The following CFAP92 variants were observed in gnomAD, a reference collection of about 807,000 sequenced individuals.
The protein encoded by CFAP92 is uncharacterized protein CFAP92.
CFAP92 carries 86 observed loss-of-function variants against 106.3 expected under a neutral mutation model. The ratio of observed to expected loss-of-function variants is 0.81; its 90% CI spans 0.68 to 0.97. The LOEUF is 0.97. CFAP92 is among the 50% of genes least tolerant of loss of function. CFAP92 has a pLI of 0.00. For missense variants in CFAP92, 1,204 were observed against 1,283.8 expected, an observed-to-expected ratio of 0.94 and a Z score of 0.95; for synonymous variants, 477 against 506.4, an observed-to-expected ratio of 0.94 and a Z score of 0.78.
chr3:128,910,838 G>A (rs1936213433), intron 15 of CFAP92: 1 of 1,613,242 alleles, frequency 6.2e-7, no homozygotes, highest in African/African-American at 1.3e-5. Context: ...TTGGGGGAGG[G>A]AAGGAAGGGC....
the CFAP92 span, among the ~76,000 whole-genome samples, chr3:129,011,150 T>G: frequency 4.9e-3 from 751 of 152,216 alleles, 7 homozygotes; most frequent in African/African-American, 0.017. Flanking sequence ...ATCTGTAAAA[T>G]GAGATGAGAA....
rs138871762 is a variant in CFAP92, at chr3:128,910,132, C to A, written c.*167G>T. ...CAGCCGCTCCATCCGCATTGGGCTC[C>A]GCAACCACGACCACGAGGTGAGCCC... is the stretch of plus-strand genomic sequence containing the variant. On this transcript the variant is annotated 3_prime_UTR_variant, in exon 16 of 16. Coordinates refer to ENST00000645291, the MANE Select transcript of CFAP92 (RefSeq NM_001394090.1). 430 of 1,614,056 alleles carry A rather than the reference C, an allele frequency of 2.7e-4. 2 individuals carry two copies. In the East Asian group the frequency reaches 8.7e-3, roughly 33 times the overall value.
At chr3:128,971,632 T>C (rs994255732) in intron 7 of CFAP92, among the ~76,000 whole-genome samples, 199 bp from the exon 8 acceptor site, 1 of 152,140 alleles carries the variant, frequency 6.6e-6, no homozygotes, top group African/African-American at 2.4e-5. Context: ...GCCAGTTATA[T>C]GTAGTAATAG....
At chr3:129,002,571 T>G in intron 1 of CFAP92, 2 of 655,868 alleles carry the variant, frequency 3.0e-6, no homozygotes, top group Non-Finnish European at 4.6e-6. Flanking sequence ...CAAACAACCA[T>G]ACCCCACTTT....
At chr3:129,018,806 G>A in the CFAP92 span, among the ~76,000 whole-genome samples, 1 of 152,174 alleles carries the variant, frequency 6.6e-6, no homozygotes, top group Non-Finnish European at 1.5e-5. Context: ...AGTCTTTCGG[G>A]TCTGTTTGCA....
At chr3:128,994,152 C>T (rs1356933841), upstream of CFAP92, 13 of 985,662 alleles carry the variant, frequency 1.3e-5, no homozygotes, top group Non-Finnish European at 1.6e-5. Flanking sequence ...CTAGGAGACG[C>T]GAGGGCGTGC....
chr3:128,913,527 G>A (rs1055344499), intron 15 of CFAP92, among the ~76,000 whole-genome samples: 20 of 150,768 alleles, frequency 1.3e-4, no homozygotes, highest in African/African-American at 4.6e-4. Flanking sequence ...GCTTTGATGT[G>A]GTCCTTGGGT....
chr3:128,976,163 C>T (rs757096366), intron 6 of CFAP92, among the ~76,000 whole-genome samples: 1 of 152,080 alleles, frequency 6.6e-6, no homozygotes, highest in Non-Finnish European at 1.5e-5. Flanking sequence ...CTAATGCTGA[C>T]ACACTTGGTC....
intron 15 of CFAP92, chr3:128,910,629 G>A: frequency 1.7e-6 from 2 of 1,165,754 alleles, no homozygotes. Flanking sequence ...CCTGTGCCAG[G>A]CCTTGTGACC....
At chr3:129,006,419 A>G (rs529135949), upstream of CFAP92, among the ~76,000 whole-genome samples, 10 of 152,284 alleles carry the variant, frequency 6.6e-5, no homozygotes, top group South Asian at 2.1e-3. Flanking sequence ...CAGGTTCAAA[A>G]GATTCTCCTG....
intron 7 of CFAP92, among the ~76,000 whole-genome samples, chr3:128,973,763 C>T (rs549722760): frequency 1.3e-5 from 2 of 152,250 alleles, no homozygotes; most frequent in African/African-American, 4.8e-5. Flanking sequence ...CCCACTGGGC[C>T]AATGCCGTGG....
chr3:129,004,171 G>T, upstream of CFAP92: 1 of 1,305,602 alleles, frequency 7.7e-7, no homozygotes, highest in Non-Finnish European at 9.8e-7. Flanking sequence ...ACGCGCTCTC[G>T]TGTTCCGCAG....
chr3:128,960,261 G>A (rs1360090895), intron 9 of CFAP92, among the ~76,000 whole-genome samples: 2 of 152,202 alleles, frequency 1.3e-5, no homozygotes, highest in African/African-American at 2.4e-5. Flanking sequence ...ATGTGGTGCC[G>A]TGACTCGGAT....
intron 4 of CFAP92, among the ~76,000 whole-genome samples, chr3:128,987,098 T>C (rs1385625249): frequency 6.6e-6 from 1 of 151,920 alleles, no homozygotes; most frequent in African/African-American, 2.4e-5. Context: ...GAGGCAGAGG[T>C]TGCAGTGAGC....
intron 2 of CFAP92, among the ~76,000 whole-genome samples, chr3:128,990,156 G>C (rs1944124604): frequency 6.6e-6 from 1 of 152,144 alleles, no homozygotes; most frequent in African/African-American, 2.4e-5. Flanking sequence ...ACATATAATG[G>C]AATACTGTTA....
intron 9 of CFAP92, among the ~76,000 whole-genome samples, chr3:128,961,467 A>G (rs188707124): frequency 4.4e-4 from 65 of 146,702 alleles, no homozygotes; most frequent in African/African-American, 1.1e-3. Context: ...TCCTTTTATC[A>G]CCTCCCCTCC....
intron 9 of CFAP92, among the ~76,000 whole-genome samples, chr3:128,949,997 C>T (rs1468700948): frequency 1.3e-5 from 2 of 152,150 alleles, no homozygotes; most frequent in Non-Finnish European, 1.5e-5. Flanking sequence ...CTGATCTATA[C>T]ATAATTTTAA....
At chr3:128,999,763 G>A (rs940235186) in intron 1 of CFAP92, among the ~76,000 whole-genome samples, 3 of 151,854 alleles carry the variant, frequency 2.0e-5, no homozygotes, top group Non-Finnish European at 4.4e-5. Flanking sequence ...GGCTGTTCTC[G>A]AACTCTTGAC....
At chr3:128,917,003 C>T (rs529258292) in intron 12 of CFAP92, among the ~76,000 whole-genome samples, 8 of 152,248 alleles carry the variant, frequency 5.3e-5, no homozygotes, top group African/African-American at 1.7e-4. Flanking sequence ...AGTGGCTTGA[C>T]TTTGGAATCT....
Sources: gnomAD v4.1 joint callset for allele counts (sites outside exome capture counted in the v4.1 genomes callset) on GRCh38, gnomAD v4.1.1 for gene constraint, MANE v1.5 for transcripts, NCBI Gene and HGNC (gene_info 2026-07-23, HGNC 2026-07-21) for gene names.